The following ARHGEF7 variants were observed in gnomAD, a reference collection of about 807,000 sequenced individuals.
The protein encoded by ARHGEF7 is Rho guanine nucleotide exchange factor 7.
A neutral mutation model predicts 109.8 loss-of-function variants in ARHGEF7; 33 were observed. That is an observed-to-expected ratio of 0.30 (90% CI 0.23 to 0.40). The LOEUF (loss-of-function observed/expected upper bound fraction) is 0.40. ARHGEF7 is among the 10% of genes least tolerant of loss of function. The pLI is 1.00. For synonymous variants in ARHGEF7, 458 were observed against 424.6 expected, an observed-to-expected ratio of 1.08 and a Z score of -0.97; for missense variants, 938 against 1,098.5, an observed-to-expected ratio of 0.85 and a Z score of 2.07.
At chr13:111,188,325 G>A (rs1390523894) in intron 2 of ARHGEF7, among the ~76,000 whole-genome samples, 5 of 152,194 alleles carry the variant, frequency 3.3e-5, no homozygotes, top group Admixed American at 2.6e-4. Flanking sequence ...TGCCCTGAAC[G>A]CTGACACGCA....
At chr13:111,265,011 C>G (rs1037532134) in intron 8 of ARHGEF7, among the ~76,000 whole-genome samples, 2 of 151,024 alleles carry the variant, frequency 1.3e-5, no homozygotes, top group African/African-American at 4.9e-5. Flanking sequence ...GTAATCCCAG[C>G]TACTCGGGAG....
intron 9 of ARHGEF7, among the ~76,000 whole-genome samples, chr13:111,269,240 TGAA>T (rs2091936192): frequency 6.6e-6 from 1 of 152,238 alleles, no homozygotes; most frequent in Admixed American, 6.5e-5. Context: ...ATTTATACAT[TGAA>T]TGAGATTTCC....
At chr13:111,225,706 G>C (rs753443849) in intron 5 of ARHGEF7, among the ~76,000 whole-genome samples, 5 of 151,904 alleles carry the variant, frequency 3.3e-5, no homozygotes, top group Non-Finnish European at 4.4e-5. Context: ...ATTGTTTTGG[G>C]GTGCCATGAA....
intron 8 of ARHGEF7, among the ~76,000 whole-genome samples, chr13:111,245,386 T>C (rs116794560): frequency 0.021 from 3,224 of 152,204 alleles, 120 homozygotes; most frequent in African/African-American, 0.074. Flanking sequence ...AAATGGTTCA[T>C]TGTTGTGTAG....
Position 111,221,329 on chromosome 13 carries a change from G to GACATATA in ARHGEF7, c.670+3449_670+3450insACATATA, listed in dbSNP as rs2083973073. ...TATATATCTATATATAGATATATAT[G>GACATATA]TCTATATATATCTATATATATGTCT... On this transcript the variant is annotated intron_variant, in intron 5 of 21. Coordinates refer to ENST00000646102, the MANE Select transcript of ARHGEF7 (RefSeq NM_001354046.2). Among the ~76,000 whole-genome samples the GACATATA allele has an allele frequency of 1.2e-3, 2 of 1,640 alleles. 1 individual carries two copies. The highest frequency in any genetic ancestry group is 3.6e-3 in the Non-Finnish European group (2 of 556). 1.1% of individuals were successfully genotyped at this position (1,640 alleles called of 152,430 possible). A position where few individuals can be genotyped will look rare whatever the true frequency, so the allele number is the denominator to read the frequency against.
chr13:111,168,752 AGAT>A (rs1487286210), intron 2 of ARHGEF7, among the ~76,000 whole-genome samples: 1 of 152,242 alleles, frequency 6.6e-6, no homozygotes, highest in Non-Finnish European at 1.5e-5. Context: ...GAAATATTAA[AGAT>A]GTAAAAATGG....
At chr13:111,238,359 A>G (rs1382864682) in intron 6 of ARHGEF7, among the ~76,000 whole-genome samples, 1 of 152,180 alleles carries the variant, frequency 6.6e-6, no homozygotes, top group Non-Finnish European at 1.5e-5. Context: ...CTGACCTGGT[A>G]GTATTAAGTG....
At chr13:111,275,776 A>G (rs775989355) in intron 12 of ARHGEF7, 98 bp downstream of exon 12, 9 of 1,445,284 alleles carry the variant, frequency 6.2e-6, no homozygotes, top group African/African-American at 5.6e-5. Flanking sequence ...AAAAATGTCT[A>G]ATAGAAGCTC....
intron 1 of ARHGEF7, among the ~76,000 whole-genome samples, chr13:111,142,298 T>C (rs1188858640): frequency 6.6e-6 from 1 of 152,258 alleles, no homozygotes; most frequent in South Asian, 2.1e-4. Context: ...CGGCTTTTCC[T>C]GAGTGAAATG....
chr13:111,280,790 G>T (rs2092735660), intron 15 of ARHGEF7, 113 bp downstream of exon 15: 1 of 1,220,426 alleles, frequency 8.2e-7, no homozygotes, highest in East Asian at 2.5e-5. Context: ...GATAAAAAGT[G>T]CAAAACACTT....
intron 16 of ARHGEF7, 152 bp downstream of exon 16, chr13:111,283,515 T>G: frequency 7.6e-7 from 1 of 1,316,028 alleles, no homozygotes; most frequent in Non-Finnish European, 1.0e-6. Flanking sequence ...TCTCTGGTTA[T>G]CTGCTCTGCT....
At chr13:111,178,338 CA>C (rs1364129964) in intron 2 of ARHGEF7, among the ~76,000 whole-genome samples, 2 of 152,212 alleles carry the variant, frequency 1.3e-5, no homozygotes, top group Non-Finnish European at 2.9e-5. Flanking sequence ...GTGCAGTCTA[CA>C]TTTAATGTGT....
At chr13:111,171,496 G>T (rs1001534476) in intron 2 of ARHGEF7, among the ~76,000 whole-genome samples, 3 of 152,198 alleles carry the variant, frequency 2.0e-5, no homozygotes, top group Admixed American at 6.5e-5. Flanking sequence ...ATCGCTCCAG[G>T]TTACATGCTT....
At chr13:111,191,109 G>GT (rs2079839735) in intron 2 of ARHGEF7, among the ~76,000 whole-genome samples, 1 of 152,150 alleles carries the variant, frequency 6.6e-6, no homozygotes, top group Non-Finnish European at 1.5e-5. Context: ...CATGCAGGGA[G>GT]TATGTTTGCC....
At position 111,115,587 on chromosome 13, in the gene ARHGEF7, A is replaced by T; in HGVS notation, c.61A>T (p.Lys21Ter). 7.1e-7 allele frequency: 1 copy of T among 1,409,014 alleles called. No homozygotes were observed. 87.3% of individuals were successfully genotyped at this position (1,409,014 alleles called of 1,614,324 possible). A position where few individuals can be genotyped will look rare whatever the true frequency, so the allele number is the denominator to read the frequency against. ...LITLGVLESPKKTISDPEGFL... is the reference protein window; with the variant it reads ...LITLGVLESP ...CACTCTGGGGGTGCTGGAGTCGCCC[A>T]AAAAAACCATCTCGGACCCGGAGGG... The change falls in exon 1 of 22, where the codon AAA (lysine) becomes TAA (stop). Residue 21 changes from lysine (K) to a stop codon, truncating the protein, a stop_gained. Transcript: ENST00000646102. LOFTEE classifies it high-confidence loss of function.
chr13:111,298,721 G>A (rs2093482181), intron 19 of ARHGEF7, among the ~76,000 whole-genome samples: 1 of 152,216 alleles, frequency 6.6e-6, no homozygotes, highest in African/African-American at 2.4e-5. Context: ...GGTGGACTGT[G>A]GCCCAGGGGA....
intron 2 of ARHGEF7, among the ~76,000 whole-genome samples, chr13:111,175,803 T>G (rs2078101135): frequency 6.6e-6 from 1 of 152,124 alleles, no homozygotes; most frequent in Admixed American, 6.5e-5. Context: ...ACTGGGTAAT[T>G]TATAAAGGAG....
At chr13:111,263,176 A>C (rs929639457) in intron 8 of ARHGEF7, among the ~76,000 whole-genome samples, 1 of 152,208 alleles carries the variant, frequency 6.6e-6, no homozygotes, top group Non-Finnish European at 1.5e-5. Flanking sequence ...CTCGAGTCCT[A>C]GGGCTCAGCT....
chr13:111,275,979 C>T (rs1043828022), intron 12 of ARHGEF7: 26 of 371,972 alleles, frequency 7.0e-5, no homozygotes, highest in Admixed American at 1.1e-4. Context: ...TGCACACATC[C>T]GCATGGAGCT....
Sources: allele counts gnomAD v4.1 joint callset (sites outside exome capture counted in the v4.1 genomes callset), GRCh38; gene constraint gnomAD v4.1.1; transcripts MANE v1.5; gene names NCBI Gene and HGNC (gene_info 2026-07-23, HGNC 2026-07-21).